TMEM114: variants seen among roughly 807,000 people sequenced by gnomAD.
TMEM114 encodes transmembrane protein 114, also known as claudin-26.
Under a neutral mutation model 6.2 loss-of-function variants are expected in TMEM114, and 6 were observed. That is an observed-to-expected ratio of 0.97 (90% CI 0.53 to 1.91). The LOEUF (loss-of-function observed/expected upper bound fraction) is 1.91, where lower values mean the gene tolerates loss of function less well. TMEM114 is among the 40% of genes most tolerant of loss of function. The pLI is 0.01. For missense variants in TMEM114, 218 were observed against 158.3 expected, an observed-to-expected ratio of 1.38 and a Z score of -2.02; for synonymous variants, 104 against 73.0, an observed-to-expected ratio of 1.42 and a Z score of -2.16.
At position 8,555,564 on chromosome 16, in the gene TMEM114, C is replaced by T. The variant is rs151093285; in HGVS notation, n.213-17738G>A. On this transcript the variant is annotated intron_variant and non_coding_transcript_variant, in intron 2 of 2. Coordinates refer to the TMEM114 transcript ENST00000623677. Reference sequence around the variant, plus strand: ...TAAACTGTCATGGCGCTGGTAGATGCGTCTTTTGGTTCCTCGTCCCAGCTT... The same window carrying T: ...TAAACTGTCATGGCGCTGGTAGATGTGTCTTTTGGTTCCTCGTCCCAGCTT... Among the ~76,000 whole-genome samples the T allele has an allele frequency of 1.1e-4, 16 of 152,244 alleles. No homozygotes were observed. In the South Asian group the frequency reaches 2.1e-3, roughly 20 times the overall value.
intron 2 of TMEM114, among the ~76,000 whole-genome samples, chr16:8,538,547 G>T (rs371855785): frequency 1.3e-5 from 2 of 151,660 alleles, no homozygotes; most frequent in Admixed American, 6.6e-5. Context: ...TTGCTCTGTC[G>T]CCCAGGCTGG....
At chr16:8,530,217 C>G in the TMEM114 span, among the ~76,000 whole-genome samples, 1 of 152,174 alleles carries the variant, frequency 6.6e-6, no homozygotes, top group Admixed American at 6.5e-5. Context: ...CTCTCTGCCT[C>G]CATGAAAACT....
downstream of TMEM114, among the ~76,000 whole-genome samples, chr16:8,536,138 T>C (rs990968537): frequency 2.7e-5 from 4 of 150,888 alleles, no homozygotes; most frequent in African/African-American, 7.3e-5. Context: ...GGCAGGACAA[T>C]CACTTGAACC....
intron 2 of TMEM114, among the ~76,000 whole-genome samples, chr16:8,558,175 C>G (rs1032114135): frequency 6.6e-6 from 1 of 152,182 alleles, no homozygotes; most frequent in Non-Finnish European, 1.5e-5. Flanking sequence ...ATCACTTGAA[C>G]CTGAGAAGCA....
chr16:8,558,722 T>C (rs1185627756), intron 2 of TMEM114, among the ~76,000 whole-genome samples: 1 of 150,230 alleles, frequency 6.7e-6, no homozygotes, highest in African/African-American at 2.5e-5. Context: ...GAAGATCAGA[T>C]GCCAGTATGA....
chr16:8,569,377 C>T (rs1173434770), downstream of TMEM114: 3 of 904,888 alleles, frequency 3.3e-6, no homozygotes, highest in South Asian at 4.3e-5. Context: ...CATTACAGGG[C>T]CCAGGAGGTA....
chr16:8,583,976 C>A (rs977265816), intron 2 of TMEM114, among the ~76,000 whole-genome samples: 1 of 152,184 alleles, frequency 6.6e-6, no homozygotes, highest in Non-Finnish European at 1.5e-5. Context: ...CATATTCCAT[C>A]CCCTTGGCTG....
At chr16:8,533,938 T>A (rs2141641428), downstream of TMEM114, among the ~76,000 whole-genome samples, 1 of 152,260 alleles carries the variant, frequency 6.6e-6, no homozygotes, top group East Asian at 1.9e-4. Flanking sequence ...CCAGTGTGAC[T>A]CCTGCTGCTG....
In TMEM114 at chr16:8,572,218, T is replaced by A; in HGVS notation, c.308A>T (p.His103Leu). The change falls in exon 3 of 4, where the codon CAT (histidine) becomes CTT (leucine). Residue 103 changes from histidine (H) to leucine (L), a missense_variant. His to Leu is a moderately conservative substitution (Grantham distance 99). Coordinates refer to ENST00000620492, the MANE Select transcript of TMEM114 (RefSeq NM_001146336.2). ...CGGCAGCAGAATCACAAATGTCCCATGCATGGCTTAGAAGAGACAGAGAGG... is the reference window on the plus strand; with the variant it reads ...CGGCAGCAGAATCACAAATGTCCCAAGCATGGCTTAGAAGAGACAGAGAGG... Reference protein sequence around the residue: ...SESSRQLLTMHGTFVILLPLS... With the variant: ...SESSRQLLTMLGTFVILLPLS... 1 of 1,551,672 alleles carries A rather than the reference T, an allele frequency of 6.4e-7. No individual in the cohort carries two copies. The highest frequency in any genetic ancestry group is 1.4e-5 in the African/African-American group (1 of 73,146).
At chr16:8,557,110 C>T (rs763166749) in intron 2 of TMEM114, among the ~76,000 whole-genome samples, 5 of 152,184 alleles carry the variant, frequency 3.3e-5, no homozygotes, top group African/African-American at 1.2e-4. Flanking sequence ...AGCAGCTCTC[C>T]AATCCCCCAT....
At chr16:8,527,529 T>C in the TMEM114 span, among the ~76,000 whole-genome samples, 4 of 124,990 alleles carry the variant, frequency 3.2e-5, no homozygotes, top group South Asian at 1.1e-3. Flanking sequence ...GCAAGATTTC[T>C]AGTCTGTAGT....
chr16:8,573,266 C>G (rs1901795873), intron 2 of TMEM114, among the ~76,000 whole-genome samples: 1 of 152,144 alleles, frequency 6.6e-6, no homozygotes, highest in South Asian at 2.1e-4. Flanking sequence ...AGACATGCTG[C>G]CCCCGGGTTG....
rs1003926766 is a variant in TMEM114 at position 8,588,147 on chromosome 16, C to T, written c.301+1066G>A. On this transcript the variant is annotated intron_variant, in intron 2 of 3. Coordinates refer to ENST00000620492, the MANE Select transcript of TMEM114 (RefSeq NM_001146336.2). The stretch of plus-strand genomic sequence containing the variant: ...CTAGAAATATGAAAAATTAGCCCGA[C>T]GTGGAGGCAGGCACCTGTAGTTTCA... Among the ~76,000 whole-genome samples the T allele has an allele frequency of 2.3e-3, 350 of 151,998 alleles. 1 individual carries two copies. The highest frequency in any genetic ancestry group is 4.1e-3 in the Non-Finnish European group (281 of 67,960).
At chr16:8,572,246 A>G in intron 2 of TMEM114, 22 bp from the exon 3 acceptor site, 3 of 1,551,620 alleles carry the variant, frequency 1.9e-6, no homozygotes, top group South Asian at 2.4e-5. Context: ...CAGAGAGGAT[A>G]CCAGGCAGAG....
intron 2 of TMEM114, among the ~76,000 whole-genome samples, chr16:8,538,468 A>G (rs9929784): frequency 0.14 from 21,646 of 151,514 alleles, 2,288 homozygotes; most frequent in African/African-American, 0.29. Flanking sequence ...ATGAACCTAG[A>G]CAAAGAATGT....
intron 2 of TMEM114, among the ~76,000 whole-genome samples, chr16:8,559,012 G>A (rs960393587): frequency 2.7e-5 from 4 of 150,616 alleles, no homozygotes; most frequent in East Asian, 2.0e-4. Context: ...CAAAGTGCTG[G>A]GATTAAAGGC....
chr16:8,545,477 A>G (rs1900637800), intron 2 of TMEM114, among the ~76,000 whole-genome samples: 1 of 152,140 alleles, frequency 6.6e-6, no homozygotes, highest in African/African-American at 2.4e-5. Flanking sequence ...CATCATCACC[A>G]TCATCATCAC....
At chr16:8,578,307 G>A (rs1382059550) in intron 2 of TMEM114, among the ~76,000 whole-genome samples, 1 of 152,090 alleles carries the variant, frequency 6.6e-6, no homozygotes, top group Non-Finnish European at 1.5e-5. Context: ...TCCCTTTGAT[G>A]GTTCTAGGGG....
rs1277139470 is a variant in TMEM114, at chr16:8,590,039, C to A, written c.-201G>T. 1 of 379,616 alleles carries A rather than the reference C, an allele frequency of 2.6e-6. No homozygotes were observed. The highest frequency in any genetic ancestry group is 4.7e-6 in the Non-Finnish European group (1 of 214,698). The allele number at this position is 379,616 out of a possible 1,614,324, so 23.5% of individuals were successfully genotyped here. On this transcript the variant is annotated 5_prime_UTR_variant, in exon 1 of 4. Transcript: ENST00000620492. ...CCTCACCTGCCGGCTCCGACCTGCA[C>A]GCGCCCCCCGCTCAGCCGCCGTCCA...
Sources: allele counts gnomAD v4.1 joint callset (sites outside exome capture counted in the v4.1 genomes callset), GRCh38; gene constraint gnomAD v4.1.1; transcripts MANE v1.5; gene names NCBI Gene and HGNC (gene_info 2026-07-23, HGNC 2026-07-21).